The following DPY19L1 variants were observed in gnomAD, a reference collection of about 807,000 sequenced individuals.
DPY19L1 encodes protein C-mannosyl-transferase DPY19L1.
In DPY19L1, 35 loss-of-function variants were observed where a neutral mutation model predicts 96.9. The observed-to-expected ratio is 0.36, with a 90% CI of 0.28 to 0.48. DPY19L1 has a LOEUF of 0.48. Among genes scored for constraint, DPY19L1 ranks in the 20% least tolerant of loss-of-function variants. The pLI is 0.99. For missense variants in DPY19L1, 521 were observed against 777.9 expected (o/e 0.67, Z 3.93); for synonymous variants, 205 against 252.6 (o/e 0.81, Z 1.79).
rs1250137704 is a variant in DPY19L1, at chr7:35,013,582, T to C, written c.535A>G (p.Asn179Asp). ...AAGTACCTTACCTCAGGGTAAAGAT[T>C]GAATCTTTTTAATGTATTAATGACA... ...PLVINTLKRFNLYPEVILASW... is the reference protein window; with the variant it reads ...PLVINTLKRFDLYPEVILASW... Residue 179 changes from asparagine to aspartate, a missense_variant, in exon 4 of 22, where the codon AAT (asparagine) becomes GAT (aspartate). Asn to Asp is a conservative substitution (Grantham distance 23, BLOSUM62 1). Transcript: ENST00000638088. 1 of 1,609,344 alleles carries C rather than the reference T, an allele frequency of 6.2e-7. No individual in the cohort carries two copies.
intron 10 of DPY19L1, 131 bp from the exon 11 acceptor site, chr7:34,958,201 A>C: frequency 1.9e-6 from 1 of 539,038 alleles, no homozygotes; most frequent in Non-Finnish European, 3.2e-6. Context: ...AAAACAGCCC[A>C]TTCTCCATCT....
At position 34,989,876 on chromosome 7, in the gene DPY19L1, T is replaced by C. The variant is rs781699641; in HGVS notation, c.822+8A>G. 1.9e-6 allele frequency: 3 copies of C among 1,582,440 alleles called. No homozygotes were observed. The highest frequency in any genetic ancestry group is 2.3e-5 in the East Asian group (1 of 43,896). On this transcript the variant is annotated splice_region_variant and intron_variant, in intron 7 of 21. Transcript: ENST00000638088. ...AAGTAATTCTGAGAATAGTTTTTGA[T>C]TACCTACCTCTCCATGATTGAAAAA...
chr7:34,949,359 T>C (rs915235762), intron 14 of DPY19L1, among the ~76,000 whole-genome samples: 26 of 152,264 alleles, frequency 1.7e-4, no homozygotes, highest in African/African-American at 6.0e-4. Flanking sequence ...ACTAAACTAC[T>C]CTCTGCTTTC....
intron 10 of DPY19L1, among the ~76,000 whole-genome samples, chr7:34,965,453 A>G (rs1487337900): frequency 6.6e-6 from 1 of 152,194 alleles, no homozygotes; most frequent in East Asian, 1.9e-4. Context: ...TTAGTAATCC[A>G]CATATTGTAA....
intron 13 of DPY19L1, among the ~76,000 whole-genome samples, chr7:34,952,680 T>G (rs139985957): frequency 1.3e-5 from 2 of 152,180 alleles, no homozygotes; most frequent in African/African-American, 4.8e-5. Context: ...AAATACTACA[T>G]TTGAGCAGGT....
intron 7 of DPY19L1, among the ~76,000 whole-genome samples, chr7:34,983,907 C>T (rs1784993635): frequency 6.6e-6 from 1 of 152,066 alleles, no homozygotes; most frequent in African/African-American, 2.4e-5. Flanking sequence ...AGGTTTACCA[C>T]CATCAAACCA....
chr7:34,964,916 C>A (rs1343638041), intron 10 of DPY19L1, among the ~76,000 whole-genome samples: 1 of 151,998 alleles, frequency 6.6e-6, no homozygotes, highest in African/African-American at 2.4e-5. Context: ...TATAAACAAA[C>A]CAAAAGATGC....
rs1486099115 is a variant in DPY19L1, at chr7:34,929,357, A to G, written c.*2216T>C. The G allele has an allele frequency of 6.6e-5, 10 of 152,210 alleles. No individual in the cohort carries two copies. The highest frequency in any genetic ancestry group is 1.5e-4 in the Non-Finnish European group (10 of 68,054). 9.4% of individuals were successfully genotyped at this position (152,210 alleles called of 1,614,324 possible). ...GCCTCTGCTCCAAACTGGCTCCCCT[A>G]ATATATAGCCATATTTTGCTGGGGG... On this transcript the variant is annotated 3_prime_UTR_variant, in exon 22 of 22. Coordinates refer to ENST00000638088, the MANE Select transcript of DPY19L1 (RefSeq NM_001366673.1).
chr7:35,011,548 C>A, intron 4 of DPY19L1, 98 bp from the exon 5 acceptor site: 1 of 1,181,476 alleles, frequency 8.5e-7, no homozygotes, highest in East Asian at 2.6e-5. Flanking sequence ...CATATTTTCC[C>A]TTTCCATACC....
At chr7:35,021,093 A>T (rs1383223605) in intron 1 of DPY19L1, among the ~76,000 whole-genome samples, 1 of 152,194 alleles carries the variant, frequency 6.6e-6, no homozygotes, top group Non-Finnish European at 1.5e-5. Flanking sequence ...CTTATTCCTG[A>T]CAAAAACAAT....
chr7:34,960,742 G>A (rs1252302420), intron 10 of DPY19L1, among the ~76,000 whole-genome samples: 1 of 151,992 alleles, frequency 6.6e-6, no homozygotes, highest in Non-Finnish European at 1.5e-5. Flanking sequence ...TTTCTTTTGA[G>A]GTGTGGGTAT....
At chr7:35,016,438 A>G (rs1342785449) in intron 3 of DPY19L1, among the ~76,000 whole-genome samples, 1 of 152,272 alleles carries the variant, frequency 6.6e-6, no homozygotes, top group Non-Finnish European at 1.5e-5. Context: ...AAGAAAGAAT[A>G]AAGCATCTTT....
chr7:34,938,883 T>A (rs921264431), intron 20 of DPY19L1, among the ~76,000 whole-genome samples: 9 of 152,188 alleles, frequency 5.9e-5, no homozygotes, highest in African/African-American at 2.2e-4. Flanking sequence ...TTGAATGGGA[T>A]TCTATTTCAA....
chr7:34,946,488 GT>G (rs2128783313), intron 15 of DPY19L1, among the ~76,000 whole-genome samples: 1 of 152,298 alleles, frequency 6.6e-6, no homozygotes, highest in South Asian at 2.1e-4. Flanking sequence ...CTAGCTAATA[GT>G]TTTCATCATC....
At chr7:35,020,406 T>TA (rs1785968213) in intron 1 of DPY19L1, among the ~76,000 whole-genome samples, 1 of 152,218 alleles carries the variant, frequency 6.6e-6, no homozygotes, top group African/African-American at 2.4e-5. Context: ...ACATATGTTG[T>TA]ATATATAGGT....
chr7:34,972,520 C>G (rs911336661), intron 8 of DPY19L1, among the ~76,000 whole-genome samples: 3 of 152,160 alleles, frequency 2.0e-5, no homozygotes, highest in African/African-American at 7.2e-5. Flanking sequence ...AGTCTGCTGT[C>G]TGCACTATAC....
intron 1 of DPY19L1, among the ~76,000 whole-genome samples, chr7:35,027,595 C>T (rs747241274): frequency 3.2e-4 from 48 of 149,866 alleles, no homozygotes; most frequent in Middle Eastern, 6.9e-3. Context: ...TTTGGGAGGC[C>T]GAGGCGGGTG....
At position 35,037,292 on chromosome 7, in the gene DPY19L1, C is replaced by A; in HGVS notation, c.103G>T (p.Ala35Ser). Residue 35 changes from alanine to serine, a missense_variant, in exon 1 of 22, where the codon GCC (alanine) becomes TCC (serine). Transcript: ENST00000638088. ...SPLRGASDVG[A>S]GEPGPERAPL... is the part of the protein sequence containing the mutation. ...GCGCGCTCGGGCCCCGGCTCCCCGG[C>A]GCCGACGTCCGACGCCCCCCTCAGC... 1 of 340,770 alleles carries A rather than the reference C, an allele frequency of 2.9e-6. No individual in the cohort carries two copies. Among genetic ancestry groups the A allele is most frequent in the Non-Finnish European group, 5.3e-6 (1 of 189,348 alleles). The allele number at this position is 340,770 out of a possible 1,614,324, so 21.1% of individuals were successfully genotyped here. A position where few individuals can be genotyped will look rare whatever the true frequency, so the allele number is the denominator to read the frequency against.
intron 10 of DPY19L1, among the ~76,000 whole-genome samples, chr7:34,961,247 T>C (rs1784495482): frequency 6.6e-6 from 1 of 152,138 alleles, no homozygotes; most frequent in Non-Finnish European, 1.5e-5. Flanking sequence ...CTTCAAGACT[T>C]GCTATAAAGT....
Sources: gnomAD v4.1 joint callset for allele counts (sites outside exome capture counted in the v4.1 genomes callset) on GRCh38, gnomAD v4.1.1 for gene constraint, MANE v1.5 for transcripts, NCBI Gene and HGNC (gene_info 2026-07-23, HGNC 2026-07-21) for gene names.